The following LDLRAD4 variants were observed in gnomAD, a reference collection of about 807,000 sequenced individuals.
The protein encoded by LDLRAD4 is low density lipoprotein receptor class A domain containing 4.
A neutral mutation model predicts 17.0 loss-of-function variants in LDLRAD4; 5 were observed. The observed-to-expected ratio is 0.29, with a 90% CI of 0.15 to 0.62. The LOEUF is 0.62. Among genes scored for constraint, LDLRAD4 ranks in the 20% least tolerant of loss-of-function variants. The pLI is 0.84. For missense variants in LDLRAD4, 340 were observed against 424.7 expected, an observed-to-expected ratio of 0.80 and a Z score of 1.75; for synonymous variants, 168 against 171.8, an observed-to-expected ratio of 0.98 and a Z score of 0.17.
chr18:13,222,611 C>T (rs1386132690), intron 1 of LDLRAD4, among the ~76,000 whole-genome samples: 1 of 152,236 alleles, frequency 6.6e-6, no homozygotes, highest in Non-Finnish European at 1.5e-5. Flanking sequence ...GTGCATGCAG[C>T]TGCGCAGAGG....
Position 13,505,784 on chromosome 18 carries a change from T to C in LDLRAD4, c.181+67400T>C, listed in dbSNP as rs188683425. 3.5e-4 allele frequency among the ~76,000 whole-genome samples: 53 copies of C among 152,168 alleles called. 1 individual carries two copies. In the South Asian group the frequency reaches 4.8e-3, roughly 14 times the overall value. On this transcript the variant is annotated intron_variant, in intron 3 of 5. Transcript: ENST00000359446. ...AGTGAGCCGAGATCGCACCACTGCATTCCAGTCTGGGCGACAGAGCAAGAC... is the reference window on the plus strand; with the variant it reads ...AGTGAGCCGAGATCGCACCACTGCACTCCAGTCTGGGCGACAGAGCAAGAC...
intron 1 of LDLRAD4, among the ~76,000 whole-genome samples, chr18:13,375,313 T>G (rs181696457): frequency 3.2e-4 from 48 of 152,368 alleles, no homozygotes; most frequent in Admixed American, 2.0e-3. Flanking sequence ...GAAGCCATTT[T>G]TAGGTGTTGG....
At chr18:13,231,714 C>T (rs773553183) in intron 1 of LDLRAD4, among the ~76,000 whole-genome samples, 3 of 152,198 alleles carry the variant, frequency 2.0e-5, no homozygotes, top group East Asian at 1.9e-4. Context: ...ATTTGCAAAA[C>T]GTGTAACTAT....
At chr18:13,559,896 G>A (rs959271730) in intron 3 of LDLRAD4, among the ~76,000 whole-genome samples, 2 of 77,040 alleles carry the variant, frequency 2.6e-5, no homozygotes, top group South Asian at 5.4e-4. Context: ...TATCCAGACA[G>A]CACTTTGCTG....
chr18:13,290,402 A>G (rs182136954), intron 1 of LDLRAD4, among the ~76,000 whole-genome samples: 1 of 152,312 alleles, frequency 6.6e-6, no homozygotes, highest in East Asian at 1.9e-4. Context: ...ATCTCAATAT[A>G]TCTTAACTTA....
At chr18:13,443,022 T>G (rs2091135319) in intron 3 of LDLRAD4, among the ~76,000 whole-genome samples, 1 of 152,130 alleles carries the variant, frequency 6.6e-6, no homozygotes, top group African/African-American at 2.4e-5. Flanking sequence ...AAGCTGCTTC[T>G]CTCTATATAG....
intron 3 of LDLRAD4, chr18:13,488,485 T>A (rs2093285281): frequency 6.6e-6 from 1 of 152,264 alleles, no homozygotes; most frequent in Non-Finnish European, 1.5e-5. Flanking sequence ...GCAAACCCCC[T>A]ATTTCTTGTA....
intron 3 of LDLRAD4, among the ~76,000 whole-genome samples, chr18:13,528,408 G>A (rs951902003): frequency 3.3e-5 from 5 of 152,178 alleles, no homozygotes; most frequent in African/African-American, 9.7e-5. Context: ...CGCTTCACAG[G>A]TTCAAGCAAT....
chr18:13,332,634 A>G (rs902943469), intron 1 of LDLRAD4, among the ~76,000 whole-genome samples: 3 of 152,126 alleles, frequency 2.0e-5, no homozygotes, highest in Non-Finnish European at 4.4e-5. Context: ...CCAGAATGTC[A>G]TATGGTTGGA....
intron 1 of LDLRAD4, among the ~76,000 whole-genome samples, chr18:13,313,824 G>T (rs928713316): frequency 8.0e-5 from 5 of 62,740 alleles, no homozygotes; most frequent in African/African-American, 2.9e-4. Context: ...AGCCGTGTGC[G>T]GGGGGGTGCC....
At chr18:13,263,277 T>C (rs2044018465) in intron 1 of LDLRAD4, among the ~76,000 whole-genome samples, 1 of 150,656 alleles carries the variant, frequency 6.6e-6, no homozygotes, top group African/African-American at 2.5e-5. Context: ...CATGCGGCTC[T>C]GTGTGTGGGG....
intron 3 of LDLRAD4, among the ~76,000 whole-genome samples, chr18:13,551,733 C>T (rs540473272): frequency 6.6e-6 from 1 of 152,244 alleles, no homozygotes; most frequent in Non-Finnish European, 1.5e-5. Context: ...AAGACCCTGA[C>T]CTGCCATGAA....
intron 3 of LDLRAD4, among the ~76,000 whole-genome samples, chr18:13,617,222 C>T (rs11660696): frequency 2.0e-3 from 311 of 152,224 alleles, no homozygotes; most frequent in Admixed American, 4.8e-3. Context: ...CCAGGCACGC[C>T]TGGCCTGGAG....
chr18:13,442,766 C>A (rs564088501), intron 3 of LDLRAD4, among the ~76,000 whole-genome samples: 1 of 152,148 alleles, frequency 6.6e-6, no homozygotes, highest in South Asian at 2.1e-4. Context: ...CGTCCAGAAG[C>A]GATAATTGAG....
chr18:13,322,290 C>CTTTTT (rs370707500), intron 1 of LDLRAD4, among the ~76,000 whole-genome samples: 194 of 109,718 alleles, frequency 1.8e-3, no homozygotes, highest in Middle Eastern at 7.5e-3. Context: ...ACTTTTCTCA[C>CTTTTT]TTTTTTTTTT....
rs576851537 is a variant in LDLRAD4, at chr18:13,351,205, A to G, written c.-382-36136A>G. ...GTTTGATGGGAATAATATTGAATAT[A>G]TAAATTACTTTGGGCAGTGTGGCCA... On this transcript the variant is annotated intron_variant, in intron 1 of 5. Coordinates refer to ENST00000359446, the Ensembl canonical transcript of LDLRAD4. 4.7e-4 allele frequency among the ~76,000 whole-genome samples: 71 copies of G among 152,344 alleles called. 2 individuals carry two copies. The East Asian group carries it at 0.012, about 26-fold the overall frequency.
chr18:13,576,519 C>T (rs1195275155), intron 3 of LDLRAD4, among the ~76,000 whole-genome samples: 1 of 152,070 alleles, frequency 6.6e-6, no homozygotes. Context: ...TTCTTGCCAG[C>T]TCACATTGTG....
intron 3 of LDLRAD4, among the ~76,000 whole-genome samples, chr18:13,477,750 A>G (rs1184306726): frequency 2.0e-5 from 3 of 152,196 alleles, no homozygotes; most frequent in African/African-American, 4.8e-5. Context: ...TTGATGAGCC[A>G]TGTTCGCATT....
At chr18:13,451,903 G>A (rs754704336) in intron 3 of LDLRAD4, among the ~76,000 whole-genome samples, 5 of 152,226 alleles carry the variant, frequency 3.3e-5, no homozygotes, top group South Asian at 2.1e-4. Flanking sequence ...ATGACTTTGG[G>A]GGTGGGGAGA....
Sources: gnomAD v4.1 joint callset for allele counts (sites outside exome capture counted in the v4.1 genomes callset) on GRCh38, gnomAD v4.1.1 for gene constraint, MANE v1.5 for transcripts, NCBI Gene and HGNC (gene_info 2026-07-23, HGNC 2026-07-21) for gene names.